CR1L: variants seen among roughly 807,000 people sequenced by gnomAD.
CR1L encodes complement C3b/C4b receptor 1 like.
Under a neutral mutation model 62.3 loss-of-function variants are expected in CR1L, and 59 were observed. The ratio of observed to expected loss-of-function variants is 0.95; its 90% CI spans 0.77 to 1.18. The LOEUF (loss-of-function observed/expected upper bound fraction) is 1.18, where lower values mean the gene tolerates loss of function less well. CR1L is among the 50% of genes most tolerant of loss of function. The pLI, the probability that CR1L is intolerant of heterozygous loss-of-function variation, is 0.00. For synonymous variants in CR1L, 279 were observed against 248.7 expected, an observed-to-expected ratio of 1.12 and a Z score of -1.15; for missense variants, 700 against 702.8, an observed-to-expected ratio of 1.00 and a Z score of 0.04.
chr1:207,686,409 A>T (rs1663913531), intron 4 of CR1L, among the ~76,000 whole-genome samples: 1 of 151,944 alleles, frequency 6.6e-6, no homozygotes, highest in Non-Finnish European at 1.5e-5. Context: ...ACTCTTCATT[A>T]TTAAAAATTT....
Position 207,683,296 on chromosome 1 carries a change from G to A in CR1L, c.378-576G>A, listed in dbSNP as rs535976627. ...GGACTACAGGAATGTGCCACCATGC[G>A]TGGCTTTTTAATAAAATTTTTGTTG... On this transcript the variant is annotated intron_variant, in intron 3 of 11. Transcript: ENST00000508064. Among the ~76,000 whole-genome samples, 15 of 151,946 alleles carry A rather than the reference G, an allele frequency of 9.9e-5. 1 individual carries two copies. The highest frequency in any genetic ancestry group is 3.9e-4 in the Admixed American group (6 of 15,258).
At chr1:207,670,319 AC>A (rs951864256) in intron 1 of CR1L, among the ~76,000 whole-genome samples, 2 of 151,286 alleles carry the variant, frequency 1.3e-5, no homozygotes, top group Non-Finnish European at 2.9e-5. Context: ...ATGCAATGTA[AC>A]CGCTGCAGGT....
chr1:207,699,597 T>C (rs1664160816), intron 8 of CR1L, among the ~76,000 whole-genome samples: 1 of 152,204 alleles, frequency 6.6e-6, no homozygotes, highest in East Asian at 1.9e-4. Context: ...CTTCTCTTCT[T>C]TCCTTCCTTC....
chr1:207,660,894 C>T (rs1216616608), intron 1 of CR1L, among the ~76,000 whole-genome samples: 3 of 152,176 alleles, frequency 2.0e-5, no homozygotes, highest in Admixed American at 6.5e-5. Context: ...GCTTTCATTT[C>T]GTTATGTACC....
chr1:207,666,580 C>T (rs1010411810), intron 1 of CR1L, among the ~76,000 whole-genome samples: 12 of 152,096 alleles, frequency 7.9e-5, no homozygotes, highest in African/African-American at 2.2e-4. Context: ...AGGCCATTAT[C>T]CATTGCAAAC....
intron 1 of CR1L, among the ~76,000 whole-genome samples, chr1:207,676,907 T>C (rs1470200860): frequency 1.3e-5 from 2 of 151,892 alleles, no homozygotes; most frequent in Non-Finnish European, 2.9e-5. Flanking sequence ...CCACCCACCT[T>C]GGTCTCCCAA....
chr1:207,703,530 C>CA (rs1404569048), intron 9 of CR1L, among the ~76,000 whole-genome samples: 2 of 152,202 alleles, frequency 1.3e-5, no homozygotes, highest in Non-Finnish European at 1.5e-5. Context: ...ACATACAGCT[C>CA]ATTGACTTTG....
At chr1:207,689,430 A>T (rs2102465622) in intron 4 of CR1L, among the ~76,000 whole-genome samples, 1 of 152,080 alleles carries the variant, frequency 6.6e-6, no homozygotes, top group Admixed American at 6.6e-5. Context: ...TGTAACATTG[A>T]TTTAATATTT....
chr1:207,708,041 T>G lies in CR1L; in HGVS notation c.1329-137T>G, dbSNP rs1664296023. 7 of 1,024,742 alleles carry G rather than the reference T, an allele frequency of 6.8e-6. No individual in the cohort carries two copies. In the Admixed American group the frequency reaches 1.4e-4, roughly 20 times the overall value. 63.5% of individuals were successfully genotyped at this position (1,024,742 alleles called of 1,614,324 possible). A position where few individuals can be genotyped will look rare whatever the true frequency, so the allele number is the denominator to read the frequency against. ...AGAGCAGAAAAAGAAGTAGAAAAGC[T>G]GGGAACAATAGGTAAAGTTTAGGCT... On this transcript the variant is annotated intron_variant, in intron 9 of 11. Coordinates refer to ENST00000508064, the MANE Select transcript of CR1L (RefSeq NM_175710.2).
chr1:207,722,023 A>C, intron 11 of CR1L, among the ~76,000 whole-genome samples: 1 of 70,494 alleles, frequency 1.4e-5, no homozygotes, highest in Non-Finnish European at 3.2e-5. Flanking sequence ...TCCTTCACCC[A>C]CTTTTTGATG....
At chr1:207,719,921 T>G (rs2761422) in intron 11 of CR1L, among the ~76,000 whole-genome samples, 1 of 151,966 alleles carries the variant, frequency 6.6e-6, no homozygotes, top group Admixed American at 6.6e-5. Flanking sequence ...GAGACTGTGC[T>G]CTTTAACAAT....
rs979663058 is a variant in CR1L, at chr1:207,705,323, G to A, written c.1329-2855G>A. Among the ~76,000 whole-genome samples the A allele has an allele frequency of 5.3e-5, 8 of 152,210 alleles. 1 individual carries two copies. Among genetic ancestry groups the A allele is most frequent in the African/African-American group, 1.9e-4 (8 of 41,454 alleles). On this transcript the variant is annotated intron_variant, in intron 9 of 11. Coordinates refer to ENST00000508064, the MANE Select transcript of CR1L (RefSeq NM_175710.2). ...CACATCCACAGGGACTGGGGGTTAA[G>A]ACTTCCCAACATATTTGGGGGAGAC...
At chr1:207,721,186 C>T (rs1234459006) in intron 11 of CR1L, among the ~76,000 whole-genome samples, 4 of 151,974 alleles carry the variant, frequency 2.6e-5, no homozygotes, top group Admixed American at 6.6e-5. Flanking sequence ...GCAAAAATAA[C>T]AAAGTACCCT....
chr1:207,685,448 T>G (rs1663885493), intron 4 of CR1L, among the ~76,000 whole-genome samples: 1 of 152,224 alleles, frequency 6.6e-6, no homozygotes, highest in South Asian at 2.1e-4. Context: ...ACAAATCAAA[T>G]AACACCTTAG....
chr1:207,669,845 A>T (rs1430492916), intron 1 of CR1L, among the ~76,000 whole-genome samples: 1 of 151,250 alleles, frequency 6.6e-6, no homozygotes, highest in Non-Finnish European at 1.5e-5. Flanking sequence ...CGGGTGCCGC[A>T]CGAAATTCCT....
intron 1 of CR1L, among the ~76,000 whole-genome samples, chr1:207,657,662 G>A (rs890106244): frequency 2.0e-5 from 3 of 152,162 alleles, no homozygotes; most frequent in Non-Finnish European, 4.4e-5. Flanking sequence ...AAATCTAAGA[G>A]TTCTGGCTTT....
intron 4 of CR1L, among the ~76,000 whole-genome samples, chr1:207,690,294 C>T (rs1272503576): frequency 6.6e-6 from 1 of 152,008 alleles, no homozygotes; most frequent in African/African-American, 2.4e-5. Flanking sequence ...TATCATTGTA[C>T]ATAAAAGTTT....
intron 1 of CR1L, among the ~76,000 whole-genome samples, chr1:207,674,668 C>G (rs556345722): frequency 6.6e-6 from 1 of 152,062 alleles, no homozygotes; most frequent in Non-Finnish European, 1.5e-5. Context: ...TAGTTCTAAC[C>G]TCTCATTGCA....
intron 11 of CR1L, among the ~76,000 whole-genome samples, chr1:207,720,888 C>T (rs1307435162): frequency 6.6e-6 from 1 of 152,170 alleles, no homozygotes; most frequent in Non-Finnish European, 1.5e-5. Context: ...TTCATTAAAG[C>T]AACTGCTTTC....
Sources: allele counts gnomAD v4.1 joint callset (sites outside exome capture counted in the v4.1 genomes callset), GRCh38; gene constraint gnomAD v4.1.1; transcripts MANE v1.5; gene names NCBI Gene and HGNC (gene_info 2026-07-23, HGNC 2026-07-21).